Variants in MOCOS observed in about 807,000 individuals in gnomAD.
MOCOS encodes the protein molybdenum cofactor sulfurase, also known as human molybdenum cofactor sulfurase.
A neutral mutation model predicts 83.6 loss-of-function variants in MOCOS; 86 were observed. That is an observed-to-expected ratio of 1.03 (90% CI 0.86 to 1.23). The LOEUF is 1.23. Among genes scored for constraint, MOCOS ranks in the 50% most tolerant of loss-of-function variants. The pLI, the probability that MOCOS is intolerant of heterozygous loss-of-function variation, is 0.00. For synonymous variants in MOCOS, 445 were observed against 434.7 expected (o/e 1.02, Z -0.29); for missense variants, 1,120 against 1,126.9 (o/e 0.99, Z 0.09).
At chr18:36,213,610 A>G in intron 7 of MOCOS, 128 bp downstream of exon 7, 1 of 793,772 alleles carries the variant, frequency 1.3e-6, no homozygotes, top group South Asian at 1.4e-5. Flanking sequence ...GTGCATGTAC[A>G]AAGGAAAAGG....
chr18:36,221,145 T>C (rs983010500), intron 9 of MOCOS, among the ~76,000 whole-genome samples: 5 of 152,190 alleles, frequency 3.3e-5, no homozygotes, highest in African/African-American at 1.2e-4. Context: ...ATGTTCAAAC[T>C]ATACCTTGTC....
chr18:36,246,649 A>G (rs534063066), intron 9 of MOCOS, among the ~76,000 whole-genome samples: 1 of 152,224 alleles, frequency 6.6e-6, no homozygotes, highest in Admixed American at 6.5e-5. Context: ...TGGTTATGCT[A>G]GCAGTGAAGT....
chr18:36,195,147 C>T (rs1460957238), intron 1 of MOCOS, 110 bp from the exon 2 acceptor site: 6 of 890,698 alleles, frequency 6.7e-6, no homozygotes, highest in African/African-American at 6.5e-5. Flanking sequence ...TATCAAGAGG[C>T]ACAAGTCAGT....
In MOCOS at chr18:36,220,212, C is replaced by G. The variant is rs567742424; in HGVS notation, c.1955C>G (p.Ala652Gly). 3.7e-6 allele frequency: 6 copies of G among 1,614,112 alleles called. No homozygotes were observed. The African/African-American group carries it at 6.7e-5, about 18-fold the overall frequency. The change falls in exon 9 of 15, where the codon GCC becomes GGC. Residue 652 changes from alanine (A) to glycine (G), a missense_variant. By Grantham distance (60) the Ala-to-Gly change is moderately conservative. Transcript: ENST00000261326. Reference protein sequence around the residue: ...DLRQRIMVIKAKGMEPIEVPL... With the variant: ...DLRQRIMVIKGKGMEPIEVPL... ...CGGCAAAGGATCATGGTCATCAAAG[C>G]CAAAGGTGGGAAAACTGCTTCATTT...
chr18:36,222,902 T>G (rs1359633214), intron 9 of MOCOS, among the ~76,000 whole-genome samples: 1 of 152,208 alleles, frequency 6.6e-6, no homozygotes, highest in Non-Finnish European at 1.5e-5. Flanking sequence ...GCCCAGCCAC[T>G]AACCCATTTT....
intron 9 of MOCOS, among the ~76,000 whole-genome samples, chr18:36,224,636 A>G (rs966085036): frequency 2.7e-5 from 4 of 148,244 alleles, no homozygotes; most frequent in Non-Finnish European, 6.0e-5. Flanking sequence ...AATAAAGCTC[A>G]CTTTCTCATG....
intron 11 of MOCOS, among the ~76,000 whole-genome samples, chr18:36,251,785 G>A (rs2091623326): frequency 6.6e-6 from 1 of 152,156 alleles, no homozygotes; most frequent in Non-Finnish European, 1.5e-5. Flanking sequence ...GATGAAGTGA[G>A]GCAGTAGAGA....
At chr18:36,217,108 G>A (rs1568055598) in intron 8 of MOCOS, among the ~76,000 whole-genome samples, 1 of 152,286 alleles carries the variant, frequency 6.6e-6, no homozygotes, top group East Asian at 1.9e-4. Context: ...AGCAGAGGTG[G>A]AATCTGAATG....
At chr18:36,245,636 T>C (rs1026626920) in intron 9 of MOCOS, among the ~76,000 whole-genome samples, 1 of 152,200 alleles carries the variant, frequency 6.6e-6, no homozygotes, top group African/African-American at 2.4e-5. Context: ...ATTTCCCAGG[T>C]GTTCTTTAAG....
chr18:36,242,457 C>T (rs1478108966), intron 9 of MOCOS, among the ~76,000 whole-genome samples: 1 of 152,178 alleles, frequency 6.6e-6, no homozygotes, highest in Non-Finnish European at 1.5e-5. Context: ...CTTAGCCCTC[C>T]AAACTGTTCT....
Position 36,268,765 on chromosome 18 carries a change from T to C in MOCOS, c.*80T>C. 2.5e-6 allele frequency: 3 copies of C among 1,220,020 alleles called. No homozygotes were observed. In the South Asian group the frequency reaches 3.7e-5, roughly 15 times the overall value. 75.6% of individuals were successfully genotyped at this position (1,220,020 alleles called of 1,614,324 possible). On this transcript the variant is annotated 3_prime_UTR_variant, in exon 15 of 15. Transcript: ENST00000261326. ...ATCTGCAACTTGGTTCAGTAGAACT[T>C]GATGTTTTGAATAAGGAGAGCTCTT...
At chr18:36,265,865 G>A (rs1021994136) in intron 13 of MOCOS, among the ~76,000 whole-genome samples, 14 of 151,828 alleles carry the variant, frequency 9.2e-5, no homozygotes, top group Non-Finnish European at 1.5e-4. Flanking sequence ...CTTTTAATAC[G>A]TGCATGATAT....
chr18:36,228,963 C>T (rs979528442), intron 9 of MOCOS, among the ~76,000 whole-genome samples: 2 of 151,950 alleles, frequency 1.3e-5, no homozygotes, highest in African/African-American at 4.8e-5. Context: ...CCATTGTGGA[C>T]TGCATATATT....
chr18:36,213,304 A>G (rs557401324), intron 6 of MOCOS, 62 bp from the exon 7 acceptor site: 1 of 1,273,336 alleles, frequency 7.9e-7, no homozygotes, highest in Non-Finnish European at 1.1e-6. Context: ...TCCTGATCTG[A>G]ATCTCTCAGA....
rs747778151 is a variant in MOCOS at position 36,195,370 on chromosome 18, G to A, written c.232+24G>A. On this transcript the variant is annotated intron_variant, in intron 2 of 14. Coordinates refer to ENST00000261326, the MANE Select transcript of MOCOS (RefSeq NM_017947.4). ...TGGTAAAGAAAAACACCTGAAACAG[G>A]TTTTAGTCAACTACATGCAGCTGAT... 1.1e-5 allele frequency: 17 copies of A among 1,589,136 alleles called. No homozygotes were observed. The East Asian group carries it at 2.9e-4, about 27-fold the overall frequency.
At chr18:36,253,769 T>A (rs896985221) in intron 11 of MOCOS, among the ~76,000 whole-genome samples, 1 of 147,002 alleles carries the variant, frequency 6.8e-6, no homozygotes, top group African/African-American at 2.5e-5. Context: ...CAGAGAAGGG[T>A]TTAGAGGGTC....
chr18:36,264,692 C>T (rs1197042173), intron 13 of MOCOS, among the ~76,000 whole-genome samples: 1 of 151,912 alleles, frequency 6.6e-6, no homozygotes, highest in African/African-American at 2.4e-5. Context: ...GCTTACGTGG[C>T]CTGGGAATCT....
chr18:36,269,012 TC>T lies in MOCOS; in HGVS notation c.*330del, dbSNP rs1402716980. On this transcript the variant is annotated 3_prime_UTR_variant, in exon 15 of 15. Coordinates refer to ENST00000261326, the MANE Select transcript of MOCOS (RefSeq NM_017947.4). ...CTGGGAAGATTGAACTTACTGCGGG[TC>T]CCTATTTTGCCATTTTCTCACATTG... The T allele has an allele frequency of 1.9e-5, 6 of 322,558 alleles. No individual in the cohort carries two copies. The East Asian group carries it at 4.4e-4, about 24-fold the overall frequency. The allele number at this position is 322,558 out of a possible 1,614,324, so 20.0% of individuals were successfully genotyped here.
chr18:36,218,963 G>A (rs905565471), intron 8 of MOCOS, among the ~76,000 whole-genome samples: 1 of 150,860 alleles, frequency 6.6e-6, no homozygotes, highest in African/African-American at 2.4e-5. Flanking sequence ...CCGCCTCCTG[G>A]GTTCAATTGA....
Sources: allele counts gnomAD v4.1 joint callset (sites outside exome capture counted in the v4.1 genomes callset), GRCh38; gene constraint gnomAD v4.1.1; transcripts MANE v1.5; gene names NCBI Gene and HGNC (gene_info 2026-07-23, HGNC 2026-07-21).